Variants in MAST4 observed in about 807,000 individuals in gnomAD.
MAST4 encodes microtubule-associated serine/threonine-protein kinase 4.
A neutral mutation model predicts 162.7 loss-of-function variants in MAST4; 89 were observed. The ratio of observed to expected loss-of-function variants is 0.55; its 90% confidence interval spans 0.46 to 0.65. The LOEUF (loss-of-function observed/expected upper bound fraction) is 0.65. MAST4 is among the 30% of genes least tolerant of loss of function. The probability of loss-of-function intolerance (pLI) is 0.00; values close to 1 mark genes in which losing one functional copy is unlikely to be tolerated. For missense variants in MAST4, 3,153 were observed against 3,374.0 expected (o/e 0.93, Z 1.62); for synonymous variants, 1,479 against 1,361.1 (o/e 1.09, Z -1.91).
chr5:66,962,958 A>C (rs989247069), intron 4 of MAST4, among the ~76,000 whole-genome samples: 1 of 151,620 alleles, frequency 6.6e-6, no homozygotes. Context: ...AAAAAGAGAC[A>C]TGAGGCCAGA....
At chr5:67,104,133 A>G (rs1429035134) in intron 9 of MAST4, among the ~76,000 whole-genome samples, 1 of 152,212 alleles carries the variant, frequency 6.6e-6, no homozygotes, top group Non-Finnish European at 1.5e-5. Flanking sequence ...CCCAACATGC[A>G]TTAGGGTTCA....
intron 11 of MAST4, among the ~76,000 whole-genome samples, chr5:67,112,372 C>T (rs552804516): frequency 1.5e-4 from 23 of 152,294 alleles, no homozygotes; most frequent in Admixed American, 6.5e-4. Context: ...GCTGGGTGTC[C>T]TCCAATTCCA....
intron 1 of MAST4, among the ~76,000 whole-genome samples, chr5:66,601,049 AC>A (rs1242626552): frequency 1.3e-5 from 2 of 152,196 alleles, no homozygotes; most frequent in Non-Finnish European, 2.9e-5. Flanking sequence ...GAGCATGACG[AC>A]TGCTTTTAAT....
intron 4 of MAST4, chr5:66,930,711 C>G: frequency 2.1e-6 from 1 of 470,782 alleles, no homozygotes; most frequent in Middle Eastern, 3.3e-4. Flanking sequence ...AAAGAGCTGC[C>G]TTTATACCAT....
At chr5:66,764,919 C>G (rs1288672598) in intron 2 of MAST4, among the ~76,000 whole-genome samples, 4 of 152,184 alleles carry the variant, frequency 2.6e-5, no homozygotes, top group Non-Finnish European at 5.9e-5. Context: ...CTCACTGACT[C>G]CCTGGTAGCA....
chr5:67,077,103 T>A (rs1761745401), intron 5 of MAST4, among the ~76,000 whole-genome samples: 1 of 152,210 alleles, frequency 6.6e-6, no homozygotes, highest in African/African-American at 2.4e-5. Flanking sequence ...TTAAGGTGTC[T>A]GGCCTGGTCT....
intron 4 of MAST4, among the ~76,000 whole-genome samples, chr5:66,948,788 T>G (rs1744330949): frequency 6.6e-6 from 1 of 152,164 alleles, no homozygotes; most frequent in Non-Finnish European, 1.5e-5. Flanking sequence ...GACTATACTT[T>G]TAGTAATCTT....
chr5:66,963,626 G>T, intron 4 of MAST4: 2 of 763,162 alleles, frequency 2.6e-6, no homozygotes, highest in South Asian at 2.8e-5. Flanking sequence ...GGCCTAAAGG[G>T]AACACAGTCC....
chr5:67,024,949 C>A (rs1482111334), intron 4 of MAST4, among the ~76,000 whole-genome samples: 1 of 151,918 alleles, frequency 6.6e-6, no homozygotes, highest in Non-Finnish European at 1.5e-5. Flanking sequence ...CGAATATGTA[C>A]AATTATTATT....
intron 1 of MAST4, among the ~76,000 whole-genome samples, chr5:66,613,782 A>G (rs1579990743): frequency 6.6e-6 from 1 of 152,210 alleles, no homozygotes; most frequent in Non-Finnish European, 1.5e-5. Flanking sequence ...TGGAGAGGGA[A>G]GTTAAGCTAC....
chr5:67,090,017 C>T lies in MAST4; in HGVS notation c.764-145C>T, dbSNP rs556259690. ...CCTCCCCACCGCCCACCCCACCATCCCTGGTCCAGGTAAAACTAAAGCATT... is the reference window on the plus strand; with the variant it reads ...CCTCCCCACCGCCCACCCCACCATCTCTGGTCCAGGTAAAACTAAAGCATT... On this transcript the variant is annotated intron_variant, in intron 5 of 28. Transcript: ENST00000403625. 34 of 613,998 alleles carry T rather than the reference C, an allele frequency of 5.5e-5. No individual in the cohort carries two copies. The African/African-American group carries it at 5.6e-4, about 10-fold the overall frequency. The allele number at this position is 613,998 out of a possible 1,614,324, so 38.0% of individuals were successfully genotyped here.
At position 66,845,085 on chromosome 5, in the gene MAST4, T is replaced by TTATATTTATATATATATATATATATA. The variant is rs1554058454; in HGVS notation, c.643-54861_643-54860insTTATATATATATATATATATATATAT. The stretch of plus-strand genomic sequence containing the variant: ...ACTGACCCATTAAGGTCACTAATCT[T>TTATATTTATATATATATATATATATA]TATATATATATATATATATATATAT... On this transcript the variant is annotated intron_variant, in intron 3 of 28. Coordinates refer to ENST00000403625, the MANE Select transcript of MAST4 (RefSeq NM_001164664.2). Among the ~76,000 whole-genome samples the TTATATTTATATATATATATATATATA allele has an allele frequency of 3.4e-5, 2 of 57,972 alleles. 1 individual carries two copies. The highest frequency in any genetic ancestry group is 1.4e-4 in the African/African-American group (2 of 14,108). 38.0% of individuals were successfully genotyped at this position (57,972 alleles called of 152,430 possible). A position where few individuals can be genotyped will look rare whatever the true frequency, so the allele number is the denominator to read the frequency against.
chr5:67,095,387 C>T (rs1326237004), intron 6 of MAST4, among the ~76,000 whole-genome samples: 6 of 152,126 alleles, frequency 3.9e-5, no homozygotes, highest in Admixed American at 3.9e-4. Context: ...TCAACCCATT[C>T]CCTTTCTACT....
chr5:66,728,598 G>T (rs914341132), intron 1 of MAST4, among the ~76,000 whole-genome samples: 2 of 152,190 alleles, frequency 1.3e-5, no homozygotes, highest in African/African-American at 4.8e-5. Flanking sequence ...GAAATGTCAT[G>T]ACTAAGAGAT....
intron 4 of MAST4, among the ~76,000 whole-genome samples, chr5:67,036,911 A>C (rs981404179): frequency 3.3e-5 from 5 of 152,140 alleles, no homozygotes; most frequent in Admixed American, 3.3e-4. Context: ...ACTACATTTT[A>C]TTCAGGGTTT....
At chr5:66,871,983 C>T (rs1760963512) in intron 3 of MAST4, among the ~76,000 whole-genome samples, 2 of 152,166 alleles carry the variant, frequency 1.3e-5, no homozygotes, top group Non-Finnish European at 2.9e-5. Context: ...GCCATGTGAG[C>T]AGCAAGCCAC....
chr5:66,980,204 G>A (rs1346256479), intron 4 of MAST4, among the ~76,000 whole-genome samples: 1 of 152,166 alleles, frequency 6.6e-6, no homozygotes, highest in Non-Finnish European at 1.5e-5. Context: ...AGTCCCCCAG[G>A]GGTCAAGGAT....
At chr5:66,600,680 T>G (rs1292217897) in intron 1 of MAST4, among the ~76,000 whole-genome samples, 2 of 152,234 alleles carry the variant, frequency 1.3e-5, no homozygotes, top group African/African-American at 4.8e-5. Context: ...CCTCTAGATC[T>G]CTTATCAAGA....
intron 18 of MAST4, among the ~76,000 whole-genome samples, chr5:67,135,889 G>A (rs1769574473): frequency 6.6e-6 from 1 of 152,164 alleles, no homozygotes; most frequent in South Asian, 2.1e-4. Flanking sequence ...GTACACACAA[G>A]CACGCACACC....
Sources: allele counts gnomAD v4.1 joint callset (sites outside exome capture counted in the v4.1 genomes callset), GRCh38; gene constraint gnomAD v4.1.1; transcripts MANE v1.5; gene names NCBI Gene and HGNC (gene_info 2026-07-23, HGNC 2026-07-21).